The following PIP variants were observed in gnomAD, a reference collection of about 807,000 sequenced individuals.
PIP encodes prolactin-inducible protein.
A neutral mutation model predicts 12.8 loss-of-function variants in PIP; 9 were observed. That is an observed-to-expected ratio of 0.70 (90% CI 0.42 to 1.23). The LOEUF (loss-of-function observed/expected upper bound fraction) is 1.23, where lower values mean the gene tolerates loss of function less well. Among genes scored for constraint, PIP ranks in the 50% most tolerant of loss-of-function variants. PIP has a pLI of 0.00. For missense variants in PIP, 172 were observed against 179.5 expected (o/e 0.96, Z 0.24); for synonymous variants, 60 against 66.1 (o/e 0.91, Z 0.45).
intron 1 of PIP, among the ~76,000 whole-genome samples, chr7:143,134,217 T>C (rs1465831910): frequency 8.7e-6 from 1 of 114,538 alleles, no homozygotes; most frequent in Non-Finnish European, 1.9e-5. Context: ...TATATATATA[T>C]ATATATATAT....
At position 143,139,092 on chromosome 7, in the gene PIP, T is replaced by C. The variant is rs373397511; in HGVS notation, c.219T>C (p.Ile73=). The change falls in exon 3 of 4, where the codon ATT becomes ATC. Residue 73 remains isoleucine (I), a synonymous_variant. Transcript: ENST00000291009. ...CTCACCAGGTTAAAACTTACCTCAT[T>C]AGCAGCATCCCTCTACAAGGTGCAT... ...KECMVVKTYL[I]SSIPLQGAFN... 5.7e-6 allele frequency: 9 copies of C among 1,577,610 alleles called. No individual in the cohort carries two copies. In the African/African-American group the frequency reaches 6.7e-5, roughly 12 times the overall value.
Position 143,134,230 on chromosome 7 carries a change from ATATAC to A in PIP, c.96-963_96-959del, listed in dbSNP as rs1563015889. On this transcript the variant is annotated intron_variant, in intron 1 of 3. Coordinates refer to ENST00000291009, the MANE Select transcript of PIP (RefSeq NM_002652.3). ...TATATATATATATATATATATATATATATACCACAGTTTCTTTATCCACTCGTTGA... is the reference window on the plus strand; with the variant it reads ...TATATATATATATATATATATATATACACAGTTTCTTTATCCACTCGTTGA... 6.6e-4 allele frequency among the ~76,000 whole-genome samples: 54 copies of A among 81,412 alleles called. 1 individual carries two copies. Among genetic ancestry groups the A allele is most frequent in the East Asian group, 1.7e-3 (5 of 3,024 alleles). 53.4% of individuals were successfully genotyped at this position (81,412 alleles called of 152,430 possible).
chr7:143,136,071 A>G (rs1429293416), intron 2 of PIP, among the ~76,000 whole-genome samples: 1 of 152,068 alleles, frequency 6.6e-6, no homozygotes, highest in Non-Finnish European at 1.5e-5. Flanking sequence ...TTAGAGCATT[A>G]TCCCTCCTGT....
chr7:143,132,175 G>A lies in PIP; in HGVS notation c.59G>A (p.Cys20Tyr). The change falls in exon 1 of 4, where the codon TGC becomes TAC. Residue 20 changes from cysteine (C) to tyrosine (Y), a missense_variant. Transcript: ENST00000291009. ...ASPATLLLVL[C>Y]LQLGANKAQD... ...CCTGCCACCCTGCTCCTGGTTCTCT[G>A]CCTGCAGTTGGGGGCCAACAAAGCT... 1 of 1,613,320 alleles carries A rather than the reference G, an allele frequency of 6.2e-7. No individual in the cohort carries two copies. Among genetic ancestry groups the A allele is most frequent in the Non-Finnish European group, 8.5e-7 (1 of 1,179,322 alleles).
chr7:143,133,207 T>C (rs1202083599), intron 1 of PIP, among the ~76,000 whole-genome samples: 1 of 152,002 alleles, frequency 6.6e-6, no homozygotes, highest in African/African-American at 2.4e-5. Context: ...GCACTGCAAC[T>C]CTGCCCTCCC....
chr7:143,132,242 A>C, intron 1 of PIP, 31 bp downstream of exon 1: 1 of 1,609,000 alleles, frequency 6.2e-7, no homozygotes, highest in Non-Finnish European at 8.5e-7. Flanking sequence ...CCCCACAAAA[A>C]AAATTGCAGG....
At chr7:143,134,214 AT>A (rs1799277034) in intron 1 of PIP, among the ~76,000 whole-genome samples, 2 of 127,778 alleles carry the variant, frequency 1.6e-5, no homozygotes, top group African/African-American at 6.1e-5. Flanking sequence ...ATATATATAT[AT>A]ATATATATAT....
At chr7:143,139,003 C>A in intron 2 of PIP, 72 bp from the exon 3 acceptor site, 1 of 817,246 alleles carries the variant, frequency 1.2e-6, no homozygotes, top group Non-Finnish European at 2.2e-6. Context: ...GCTTTTCCCT[C>A]TCCTATTTTT....
intron 1 of PIP, among the ~76,000 whole-genome samples, chr7:143,132,941 G>A (rs550808901): frequency 7.2e-5 from 11 of 152,134 alleles, no homozygotes; most frequent in African/African-American, 2.6e-4. Flanking sequence ...GGGTTTCTGG[G>A]TTGTGATCTT....
rs982021122 is a variant in PIP at position 143,139,197 on chromosome 7, C to A, written c.316+8C>A. The A allele has an allele frequency of 1.4e-6, 2 of 1,463,004 alleles. No individual in the cohort carries two copies. Among genetic ancestry groups the A allele is most frequent in the Non-Finnish European group, 1.9e-6 (2 of 1,041,670 alleles). 90.6% of individuals were successfully genotyped at this position (1,463,004 alleles called of 1,614,324 possible). Reference sequence around the variant, plus strand: ...GGGACTTTTACACCAACAGTAAGTACAGAAGTTGTCCAAGGAGGGAACTAC... The same window carrying A: ...GGGACTTTTACACCAACAGTAAGTAAAGAAGTTGTCCAAGGAGGGAACTAC... On this transcript the variant is annotated splice_region_variant and intron_variant, in intron 3 of 3. Coordinates refer to ENST00000291009, the MANE Select transcript of PIP (RefSeq NM_002652.3).
At chr7:143,137,077 C>T (rs1799317261) in intron 2 of PIP, among the ~76,000 whole-genome samples, 1 of 151,808 alleles carries the variant, frequency 6.6e-6, no homozygotes, top group Non-Finnish European at 1.5e-5. Flanking sequence ...GGTTTAGACT[C>T]ATATTTATTT....
rs1409549590 is a variant in PIP at position 143,139,067 on chromosome 7, C to T, written c.202-8C>T. ...AATGAATTCCCCCTCCCACCTTCTC[C>T]TCACCAGGTTAAAACTTACCTCATT... On this transcript the variant is annotated splice_region_variant and splice_polypyrimidine_tract_variant and intron_variant, in intron 2 of 3. Transcript: ENST00000291009. 4.5e-6 allele frequency: 6 copies of T among 1,343,422 alleles called. No individual in the cohort carries two copies. Among genetic ancestry groups the T allele is most frequent in the Non-Finnish European group, 6.4e-6 (6 of 933,444 alleles). 83.2% of individuals were successfully genotyped at this position (1,343,422 alleles called of 1,614,324 possible).
intron 2 of PIP, among the ~76,000 whole-genome samples, chr7:143,136,953 A>T (rs1799316100): frequency 6.6e-6 from 1 of 151,678 alleles, no homozygotes; most frequent in South Asian, 2.1e-4. Context: ...TCAAAGTATA[A>T]CTATTTTTAA....
chr7:143,135,232 CA>C lies in PIP; in HGVS notation c.135del (p.Val46TyrfsTer17). 6.3e-7 allele frequency: 1 copy of C among 1,598,820 alleles called. No homozygotes were observed. Among genetic ancestry groups the C allele is most frequent in the Non-Finnish European group, 8.6e-7 (1 of 1,166,238 alleles). On this transcript the variant is annotated frameshift_variant, in exon 2 of 4. Coordinates refer to ENST00000291009, the MANE Select transcript of PIP (RefSeq NM_002652.3). LOFTEE classifies it high-confidence loss of function. ...ATAAAGAATTTTGACATTCCCAAGT[CA>C]GTACGTCCAAATGACGAAGTCACTG... ...IIIKNFDIPK[S>X]VRPNDEVTAV...
At chr7:143,134,041 TC>T (rs1188505271) in intron 1 of PIP, among the ~76,000 whole-genome samples, 1 of 151,138 alleles carries the variant, frequency 6.6e-6, no homozygotes, top group African/African-American at 2.4e-5. Context: ...AAAGCTTAGC[TC>T]CCACATATCA....
At chr7:143,134,187 T>C (rs1799275196) in intron 1 of PIP, among the ~76,000 whole-genome samples, 1 of 3,596 alleles carries the variant, frequency 2.8e-4, no homozygotes, top group Non-Finnish European at 7.1e-4. Context: ...TTCCATCATA[T>C]ATATATATAT....
intron 1 of PIP, among the ~76,000 whole-genome samples, chr7:143,133,733 G>C (rs1180630677): frequency 1.3e-5 from 2 of 151,814 alleles, no homozygotes; most frequent in Admixed American, 1.3e-4. Flanking sequence ...ACCCTACCTG[G>C]GGACCACAGA....
At chr7:143,138,189 T>C (rs770958812) in intron 2 of PIP, among the ~76,000 whole-genome samples, 3 of 152,160 alleles carry the variant, frequency 2.0e-5, no homozygotes, top group African/African-American at 2.4e-5. Context: ...TGCAATGATA[T>C]GTACATATCT....
At chr7:143,132,676 G>T (rs1799255713) in intron 1 of PIP, among the ~76,000 whole-genome samples, 1 of 152,122 alleles carries the variant, frequency 6.6e-6, no homozygotes, top group Non-Finnish European at 1.5e-5. Flanking sequence ...TGTGGTCTGA[G>T]ATTGAGCTAG....
Sources: gnomAD v4.1 joint callset for allele counts (sites outside exome capture counted in the v4.1 genomes callset) on GRCh38, gnomAD v4.1.1 for gene constraint, MANE v1.5 for transcripts, NCBI Gene and HGNC (gene_info 2026-07-23, HGNC 2026-07-21) for gene names.